GPI: variants seen among roughly 807,000 people sequenced by gnomAD.
GPI encodes glucose-6-phosphate isomerase.
GPI carries 56 observed loss-of-function variants against 75.8 expected under a neutral mutation model. The observed-to-expected ratio is 0.74, with a 90% CI of 0.60 to 0.92. GPI has a LOEUF of 0.92. GPI is among the 40% of genes least tolerant of loss of function. GPI has a pLI of 0.00. For synonymous variants in GPI, 288 were observed against 285.4 expected, an observed-to-expected ratio of 1.01 and a Z score of -0.09; for missense variants, 638 against 741.0, an observed-to-expected ratio of 0.86 and a Z score of 1.61.
At chr19:34,386,934 C>CA (rs2074744146) in intron 9 of GPI, among the ~76,000 whole-genome samples, 1 of 152,186 alleles carries the variant, frequency 6.6e-6, no homozygotes, top group African/African-American at 2.4e-5. Context: ...TGAGGCTCCT[C>CA]AGTGAGCTCA....
In GPI at chr19:34,393,859, T is replaced by A. The variant is rs2074904048; in HGVS notation, c.910-55T>A. On this transcript the variant is annotated intron_variant, in intron 11 of 17. Transcript: ENST00000356487. This position sits in a 1 kb window ranked among gnomAD's most constrained non-coding sequence, Gnocchi z 4.4. ...CCCCGCTTTCTCCCCCACTGTCCTG[T>A]CCCTCCCCTCCCCGTGCAGCTGCTC... 6.2e-7 allele frequency: 1 copy of A among 1,607,064 alleles called. No individual in the cohort carries two copies. Among genetic ancestry groups the A allele is most frequent in the Non-Finnish European group, 8.5e-7 (1 of 1,174,712 alleles).
intron 4 of GPI, 82 bp from the exon 5 acceptor site, chr19:34,377,421 C>T: frequency 1.0e-6 from 1 of 1,003,118 alleles, no homozygotes; most frequent in Non-Finnish European, 1.6e-6. Context: ...ACTGAGGTAC[C>T]AGGACACGGC....
rs534079787 is a variant in GPI, at chr19:34,387,112, C to G, written c.804+5593C>G. 5.3e-5 allele frequency among the ~76,000 whole-genome samples: 8 copies of G among 152,288 alleles called. No homozygotes were observed. In the South Asian group the frequency reaches 1.7e-3, roughly 32 times the overall value. ...TTGGGCTTAGGCAAGGGAACCGGGT[C>G]TGTCAGTCAAGGTGTGAGGGGTCAG... On this transcript the variant is annotated intron_variant, in intron 9 of 17. Coordinates refer to ENST00000356487, the MANE Select transcript of GPI (RefSeq NM_000175.5).
chr19:34,391,153 G>A (rs2074821868), intron 9 of GPI, among the ~76,000 whole-genome samples: 1 of 126,342 alleles, frequency 7.9e-6, no homozygotes, highest in African/African-American at 3.0e-5. Context: ...ATAGCATCTG[G>A]CACAGGTATG....
At chr19:34,366,923 C>A in intron 3 of GPI, 72 bp downstream of exon 3, 2 of 1,107,520 alleles carry the variant, frequency 1.8e-6, no homozygotes, top group Non-Finnish European at 2.8e-6. Context: ...TTAGCCGCAT[C>A]ACCCTGTGTC....
intron 9 of GPI, among the ~76,000 whole-genome samples, chr19:34,387,022 G>A: frequency 6.6e-6 from 1 of 152,226 alleles, no homozygotes; most frequent in East Asian, 1.9e-4. Context: ...GACACAGGAT[G>A]TGGACTGCCG....
In GPI at chr19:34,374,153, TA is replaced by T. The variant is rs142335006; in HGVS notation, c.403-3347del. On this transcript the variant is annotated intron_variant, in intron 4 of 17. Coordinates refer to ENST00000356487, the MANE Select transcript of GPI (RefSeq NM_000175.5). Reference sequence around the variant, plus strand: ...GCCTTTTTTTTTTTTTTTTTTTTTTTAAATTTTTTTAGTAGAGATGGGGTTT... The same window carrying T: ...GCCTTTTTTTTTTTTTTTTTTTTTTTAATTTTTTTAGTAGAGATGGGGTTT... 2.7e-3 allele frequency among the ~76,000 whole-genome samples: 386 copies of T among 144,196 alleles called. 1 individual carries two copies. The highest frequency in any genetic ancestry group is 7.0e-3 in the Middle Eastern group (2 of 286). 94.6% of individuals were successfully genotyped at this position (144,196 alleles called of 152,430 possible). A position where few individuals can be genotyped will look rare whatever the true frequency, so the allele number is the denominator to read the frequency against.
Position 34,399,612 on chromosome 19 carries a change from C to G in GPI, c.1455C>G (p.Phe485Leu). The change falls in exon 16 of 18, where the codon TTC (phenylalanine) becomes TTG (leucine). Residue 485 changes from phenylalanine (F) to leucine (L), a missense_variant. Phe to Leu is a conservative substitution (Grantham distance 22). Transcript: ENST00000356487. ...NSIVFTKLTP[F>L]MLGALVAMYE... ...TTGTGTTCACCAAGCTCACACCATT[C>G]ATGCTTGGAGCCTTGGTCGGTGAGT... The G allele has an allele frequency of 6.2e-7, 1 of 1,614,106 alleles. No individual in the cohort carries two copies. The highest frequency in any genetic ancestry group is 8.5e-7 in the Non-Finnish European group (1 of 1,179,988).
At chr19:34,362,770 C>T (rs1387705720), upstream of GPI, among the ~76,000 whole-genome samples, 1 of 152,186 alleles carries the variant, frequency 6.6e-6, no homozygotes, top group African/African-American at 2.4e-5. Context: ...GGGGCTAGAG[C>T]TCAGGTCTGT....
In GPI at chr19:34,402,186, T is replaced by C. The variant is rs934139790; in HGVS notation, c.*2150T>C. 6.6e-6 allele frequency: 1 copy of C among 151,868 alleles called. No individual in the cohort carries two copies. The highest frequency in any genetic ancestry group is 1.5e-5 in the Non-Finnish European group (1 of 67,970). The allele number at this position is 151,868 out of a possible 1,614,324, so 9.4% of individuals were successfully genotyped here. A position where few individuals can be genotyped will look rare whatever the true frequency, so the allele number is the denominator to read the frequency against. ...AAAAATAAAAAATAAATTTTTGTAG[T>C]GATAGGATCCCACTGAGGCCAGAGA... On this transcript the variant is annotated 3_prime_UTR_variant, in exon 18 of 18. Coordinates refer to ENST00000356487, the MANE Select transcript of GPI (RefSeq NM_000175.5).
intron 6 of GPI, 76 bp from the exon 7 acceptor site, chr19:34,378,858 C>T (rs571882122): frequency 9.3e-7 from 1 of 1,076,602 alleles, no homozygotes; most frequent in South Asian, 1.2e-5. Flanking sequence ...GCCTTGGCCT[C>T]TACTGCTGAA....
chr19:34,365,079 C>A (rs559904231), upstream of GPI: 12 of 1,468,898 alleles, frequency 8.2e-6, no homozygotes, highest in African/African-American at 4.3e-5. Context: ...GCTCAGCGGG[C>A]ACCCGGCCTG....
Position 34,366,409 on chromosome 19 carries a change from G to C in GPI, c.187G>C (p.Asp63His). 1 of 1,613,120 alleles carries C rather than the reference G, an allele frequency of 6.2e-7. No individual in the cohort carries two copies. Among genetic ancestry groups the C allele is most frequent in the Non-Finnish European group, 8.5e-7 (1 of 1,179,022 alleles). ...VDYSKNLVTE[D>H]VMRMLVDLAK... ...TTACTCCAAGAACCTGGTGACGGAG[G>C]ACGTGATGCGGATGCTGGTGGACTT... The change falls in exon 2 of 18, where the codon GAC (aspartate) becomes CAC (histidine). Residue 63 changes from aspartate (D) to histidine (H), a missense_variant. By Grantham distance (81) the Asp-to-His change is moderately conservative (BLOSUM62 -1). Transcript: ENST00000356487.
At chr19:34,378,012 G>A in intron 6 of GPI, 131 bp downstream of exon 6, 1 of 882,878 alleles carries the variant, frequency 1.1e-6, no homozygotes, top group Non-Finnish European at 1.9e-6. Context: ...TTGTGGATCA[G>A]GTCAGTACAG....
chr19:34,400,181 T>C lies in GPI; in HGVS notation c.*145T>C, dbSNP rs1212181510. 1.3e-5 allele frequency: 11 copies of C among 835,288 alleles called. No homozygotes were observed. The East Asian group carries it at 2.7e-4, about 21-fold the overall frequency. The allele number at this position is 835,288 out of a possible 1,614,324, so 51.7% of individuals were successfully genotyped here. On this transcript the variant is annotated 3_prime_UTR_variant, in exon 18 of 18. Transcript: ENST00000356487. ...ACCACGAGCCCTTAGCAGGGAAGGC[T>C]GGTCTCCCCCAGCCTAACCCCCAGC...
At chr19:34,398,883 T>A (rs2074981535) in intron 14 of GPI, 1 of 213,090 alleles carries the variant, frequency 4.7e-6, no homozygotes, top group South Asian at 7.0e-5. Flanking sequence ...TTTTTTGGTA[T>A]TTTTAGTAGA....
Position 34,400,698 on chromosome 19 carries a change from A to G in GPI, c.*662A>G, listed in dbSNP as rs2075009902. ...CCATCTCCTGGCAAGACGCTCAGGT[A>G]GTTCTTTTGCTTTAAAAGGCAGATA... On this transcript the variant is annotated 3_prime_UTR_variant, in exon 18 of 18. Coordinates refer to ENST00000356487, the MANE Select transcript of GPI (RefSeq NM_000175.5). The G allele has an allele frequency of 5.0e-6, 2 of 401,712 alleles. No individual in the cohort carries two copies. Among genetic ancestry groups the G allele is most frequent in the Non-Finnish European group, 8.8e-6 (2 of 228,178 alleles). 24.9% of individuals were successfully genotyped at this position (401,712 alleles called of 1,614,324 possible).
chr19:34,365,508 A>G (rs772755835), intron 1 of GPI, 120 bp downstream of exon 1: 34 of 1,439,228 alleles, frequency 2.4e-5, no homozygotes, highest in South Asian at 1.5e-4. Context: ...CCTCCAGGCC[A>G]CGGACTGGGG....
rs189288231 is a variant in GPI, at chr19:34,378,503, G to A, written c.634-431G>A. ...AGTGCTGGGATTACAGTCTTGAGCC[G>A]CCATGCCCAGCCATGCTTGCTCCTT... On this transcript the variant is annotated intron_variant, in intron 6 of 17. Transcript: ENST00000356487. Among the ~76,000 whole-genome samples, 198 of 152,046 alleles carry A rather than the reference G, an allele frequency of 1.3e-3. 2 individuals are homozygous for A. The highest frequency in any genetic ancestry group is 3.4e-3 in the Middle Eastern group (1 of 294).
Sources: allele counts gnomAD v4.1 joint callset (sites outside exome capture counted in the v4.1 genomes callset), GRCh38; gene constraint gnomAD v4.1.1; non-coding constraint Gnocchi (gnomAD v3.1); transcripts MANE v1.5; gene names NCBI Gene and HGNC (gene_info 2026-07-23, HGNC 2026-07-21).